MEGF10: variants seen among roughly 807,000 people sequenced by gnomAD.
MEGF10 encodes multiple EGF like domains 10, also known as multiple epidermal growth factor-like domains protein 10.
MEGF10 carries 86 observed loss-of-function variants against 147.5 expected under a neutral mutation model. The observed-to-expected ratio is 0.58, with a 90% CI of 0.49 to 0.70. The LOEUF (loss-of-function observed/expected upper bound fraction) is 0.70, where lower values mean the gene tolerates loss of function less well. Ranked by LOEUF, MEGF10 falls within the 30% of genes least tolerant of loss-of-function variation. MEGF10 has a pLI of 0.00. For missense variants in MEGF10, 1,329 were observed against 1,487.3 expected, an observed-to-expected ratio of 0.89 and a Z score of 1.75; for synonymous variants, 478 against 525.5, an observed-to-expected ratio of 0.91 and a Z score of 1.24.
chr5:127,387,432 G>A (rs2126897914), intron 5 of MEGF10, among the ~76,000 whole-genome samples: 1 of 152,286 alleles, frequency 6.6e-6, no homozygotes, highest in Non-Finnish European at 1.5e-5. Flanking sequence ...ACATCTTGAA[G>A]CCTGGGAACT....
the MEGF10 span, among the ~76,000 whole-genome samples, chr5:127,263,242 G>C: frequency 6.6e-6 from 1 of 151,220 alleles, no homozygotes; most frequent in Non-Finnish European, 1.5e-5. Flanking sequence ...TGGGAAGATG[G>C]GTTCATGAAT....
chr5:127,387,006 G>A (rs1434824042), intron 5 of MEGF10, among the ~76,000 whole-genome samples: 3 of 152,220 alleles, frequency 2.0e-5, no homozygotes, highest in African/African-American at 7.2e-5. Flanking sequence ...GGCTAGCTAG[G>A]GCCCAGGTCT....
chr5:127,407,891 T>C (rs73346997), intron 8 of MEGF10, among the ~76,000 whole-genome samples: 9,871 of 152,292 alleles, frequency 0.065, 1,093 homozygotes, highest in African/African-American at 0.22. Flanking sequence ...CTTTGGCAGA[T>C]AGAAGTAGAC....
the MEGF10 span, among the ~76,000 whole-genome samples, chr5:127,275,980 A>G: frequency 0.02 from 3,019 of 152,292 alleles, 46 homozygotes; most frequent in Middle Eastern, 0.065. Context: ...AGCTTCCCCA[A>G]CTGATGGGTC....
At chr5:127,273,373 C>G in the MEGF10 span, among the ~76,000 whole-genome samples, 1 of 152,114 alleles carries the variant, frequency 6.6e-6, no homozygotes, top group Non-Finnish European at 1.5e-5. Flanking sequence ...CGACATGGGT[C>G]GAGTTGTTTC....
chr5:127,265,753 T>C, the MEGF10 span, among the ~76,000 whole-genome samples: 1 of 152,234 alleles, frequency 6.6e-6, no homozygotes, highest in Non-Finnish European at 1.5e-5. Flanking sequence ...CTTTGCCCAC[T>C]TGTTGATGGG....
chr5:127,244,195 C>CA, the MEGF10 span, among the ~76,000 whole-genome samples: 2,496 of 70,036 alleles, frequency 0.036, 109 homozygotes, highest in African/African-American at 0.11. Flanking sequence ...AAACTCTGTC[C>CA]AAAAAAAAAA....
intron 13 of MEGF10, among the ~76,000 whole-genome samples, chr5:127,423,781 C>T (rs1765112125): frequency 1.3e-5 from 2 of 151,824 alleles, no homozygotes; most frequent in Non-Finnish European, 2.9e-5. Context: ...GATATATGTC[C>T]TTATCAGATA....
At chr5:127,419,577 A>G (rs569567951) in intron 11 of MEGF10, among the ~76,000 whole-genome samples, 2 of 152,332 alleles carry the variant, frequency 1.3e-5, no homozygotes, top group South Asian at 2.1e-4. Flanking sequence ...TTATATGAGC[A>G]CTAGAACGTG....
chr5:127,317,730 T>C (rs1201366633), intron 1 of MEGF10, among the ~76,000 whole-genome samples: 1 of 152,076 alleles, frequency 6.6e-6, no homozygotes, highest in Admixed American at 6.6e-5. Flanking sequence ...GTGGGGAGCA[T>C]CACACACCAG....
At chr5:127,314,094 C>G (rs1441579713) in intron 1 of MEGF10, among the ~76,000 whole-genome samples, 1 of 152,102 alleles carries the variant, frequency 6.6e-6, no homozygotes, top group Non-Finnish European at 1.5e-5. Flanking sequence ...TCTCAGTTAC[C>G]CAGGCTGCCT....
chr5:127,363,861 C>T (rs1762563198), intron 4 of MEGF10, among the ~76,000 whole-genome samples: 1 of 152,148 alleles, frequency 6.6e-6, no homozygotes, highest in Admixed American at 6.5e-5. Flanking sequence ...CATTTATGGA[C>T]ATCACACATG....
intron 13 of MEGF10, among the ~76,000 whole-genome samples, chr5:127,423,404 C>T (rs1765096642): frequency 1.3e-5 from 2 of 152,164 alleles, no homozygotes. Flanking sequence ...AGTTTCTGCT[C>T]ATGGTATACA....
chr5:127,279,773 CAT>C, the MEGF10 span, among the ~76,000 whole-genome samples: 2 of 152,170 alleles, frequency 1.3e-5, no homozygotes, highest in African/African-American at 2.4e-5. Flanking sequence ...AGACTCCAGA[CAT>C]AGCATCTGTA....
At chr5:127,250,821 C>T in the MEGF10 span, among the ~76,000 whole-genome samples, 29 of 151,312 alleles carry the variant, frequency 1.9e-4, no homozygotes, top group African/African-American at 6.8e-4. Context: ...ACGACAGATA[C>T]AAAATTAACA....
In MEGF10 at chr5:127,443,075, A is replaced by G. The variant is rs1302204654; in HGVS notation, c.2440A>G (p.Thr814Ala). 1.9e-6 allele frequency: 3 copies of G among 1,613,818 alleles called. No homozygotes were observed. In the South Asian group the frequency reaches 3.3e-5, roughly 18 times the overall value. ...CLNNSTCDHI[T>A]GTCYCSPGWK... ...GAACAACTCCACCTGCGACCACATCACTGGGACCTGTTACTGCAGCCCCGG... is the reference window on the plus strand; with the variant it reads ...GAACAACTCCACCTGCGACCACATCGCTGGGACCTGTTACTGCAGCCCCGG... Residue 814 changes from threonine to alanine, a missense_variant, in exon 19 of 25, where the codon ACT becomes GCT. Thr to Ala is a moderately conservative substitution (Grantham distance 58). Around this residue, in one of 3 missense-constraint regions of MEGF10, gnomAD observed 980 missense variants for 1,085.9 expected, o/e 0.90. Coordinates refer to ENST00000503335, the MANE Select transcript of MEGF10 (RefSeq NM_001256545.2).
At chr5:127,447,913 T>C (rs1178446081) in intron 21 of MEGF10, among the ~76,000 whole-genome samples, 1 of 152,164 alleles carries the variant, frequency 6.6e-6, no homozygotes, top group Non-Finnish European at 1.5e-5. Flanking sequence ...TGCCCGATAA[T>C]GAGTGAGGCA....
At chr5:127,277,778 T>C in the MEGF10 span, among the ~76,000 whole-genome samples, 1 of 152,078 alleles carries the variant, frequency 6.6e-6, no homozygotes, top group African/African-American at 2.4e-5. Context: ...ATAGTTTGAA[T>C]GGAGGGTGTG....
intron 4 of MEGF10, among the ~76,000 whole-genome samples, chr5:127,343,732 G>A (rs1030038519): frequency 5.9e-5 from 9 of 151,912 alleles, no homozygotes; most frequent in African/African-American, 1.7e-4. Context: ...GGGAGGATCC[G>A]TTGAGCCCAG....
Sources: gnomAD v4.1 joint callset for allele counts (sites outside exome capture counted in the v4.1 genomes callset) on GRCh38, gnomAD v4.1.1 for gene constraint, gnomAD v4.1.1 regional missense constraint, MANE v1.5 for transcripts, NCBI Gene and HGNC (gene_info 2026-07-23, HGNC 2026-07-21) for gene names.